Variants in ERLIN1 observed in about 807,000 individuals in gnomAD.
ERLIN1 encodes erlin-1.
A neutral mutation model predicts 46.9 loss-of-function variants in ERLIN1; 24 were observed. The ratio of observed to expected loss-of-function variants is 0.51; its 90% confidence interval spans 0.37 to 0.72. The LOEUF (loss-of-function observed/expected upper bound fraction) is 0.72. ERLIN1 is among the 30% of genes least tolerant of loss of function. The pLI, the probability that ERLIN1 is intolerant of heterozygous loss-of-function variation, is 0.00. For missense variants in ERLIN1, 293 were observed against 417.9 expected (o/e 0.70, Z 2.61); for synonymous variants, 158 against 143.2 (o/e 1.10, Z -0.74).
intron 6 of ERLIN1, among the ~76,000 whole-genome samples, chr10:100,169,471 CAAG>C (rs983158832): frequency 2.7e-5 from 4 of 150,564 alleles, no homozygotes; most frequent in East Asian, 2.0e-4. Context: ...AGTAGTTTTT[CAAG>C]AAGAAAAATG....
At chr10:100,160,006 T>C (rs1843278781) in intron 8 of ERLIN1, among the ~76,000 whole-genome samples, 4 of 151,684 alleles carry the variant, frequency 2.6e-5, no homozygotes, top group African/African-American at 7.3e-5. Flanking sequence ...TCTGGCAAAA[T>C]TGATACAGCA....
rs1383334642 is a variant in ERLIN1, at chr10:100,185,377, C to T, written c.113+137G>A. 2.8e-5 allele frequency: 18 copies of T among 651,170 alleles called. No individual in the cohort carries two copies. The African/African-American group carries it at 2.9e-4, about 11-fold the overall frequency. The allele number at this position is 651,170 out of a possible 1,614,324, so 40.3% of individuals were successfully genotyped here. A position where few individuals can be genotyped will look rare whatever the true frequency, so the allele number is the denominator to read the frequency against. On this transcript the variant is annotated intron_variant, in intron 1 of 10. Transcript: ENST00000421367. ...ATCTGGAGGGTGCTCCGCAAAAGCC[C>T]GCTTCGACCCCCGTGCTCTCCCTAG... is the stretch of plus-strand genomic sequence containing the variant.
chr10:100,152,344 C>T lies in ERLIN1; in HGVS notation c.834G>A (p.Leu278=). The T allele has an allele frequency of 6.2e-7, 1 of 1,607,770 alleles. No homozygotes were observed. Among genetic ancestry groups the T allele is most frequent in the Non-Finnish European group, 8.5e-7 (1 of 1,174,062 alleles). Residue 278 remains leucine (L), a synonymous_variant, in exon 11 of 11, where the codon TTG becomes TTA. Coordinates refer to ENST00000421367, the MANE Select transcript of ERLIN1 (RefSeq NM_006459.4). ...TTTTGAGCTCCAGATATTCCGGGGT[C>T]AACTTGTGCTGTGTGGGAGCAAACA... ...HKYATSNKHK[L]TPEYLELKKY...
At chr10:100,181,012 T>C (rs1844613011) in intron 2 of ERLIN1, among the ~76,000 whole-genome samples, 1 of 152,230 alleles carries the variant, frequency 6.6e-6, no homozygotes, top group Non-Finnish European at 1.5e-5. Flanking sequence ...GACATTAGAA[T>C]GACAGTAAAC....
At chr10:100,155,936 G>C (rs927998435) in intron 9 of ERLIN1, among the ~76,000 whole-genome samples, 5 of 152,200 alleles carry the variant, frequency 3.3e-5, no homozygotes, top group Admixed American at 2.6e-4. Context: ...AAGGAAAGCT[G>C]AGCTACCCAC....
rs745953119 is a variant in ERLIN1, at chr10:100,156,163, G to T, written c.727C>A (p.Arg243Ser). The stretch of plus-strand genomic sequence containing the variant: ...AATGTACCTTCGATTTCAGAAATGC[G>T]CTTTTCAGTTTCTTTTTCCATCACT... ...QKVMEKETEKRISEIEDAAFL... is the reference protein window; with the variant it reads ...QKVMEKETEKSISEIEDAAFL... The change falls in exon 9 of 11, where the codon CGC becomes AGC. Residue 243 changes from arginine to serine, a missense_variant. Coordinates refer to ENST00000421367, the MANE Select transcript of ERLIN1 (RefSeq NM_006459.4). 6.2e-7 allele frequency: 1 copy of T among 1,612,076 alleles called. No homozygotes were observed.
intron 8 of ERLIN1, among the ~76,000 whole-genome samples, chr10:100,162,859 C>A (rs114777280): frequency 0.012 from 1,775 of 152,236 alleles, 46 homozygotes; most frequent in African/African-American, 0.04. Context: ...AGGGCACTGG[C>A]CCACACCATA....
rs1252151437 is a variant in ERLIN1, at chr10:100,151,811, G to C, written c.*320C>G. On this transcript the variant is annotated 3_prime_UTR_variant, in exon 11 of 11. Transcript: ENST00000421367. The stretch of plus-strand genomic sequence containing the variant: ...ACATTATTCAACAGATCTCAGCTTA[G>C]GAAAACACAGCTTGTTATATATTTA... 1 of 380,986 alleles carries C rather than the reference G, an allele frequency of 2.6e-6. No homozygotes were observed. Among genetic ancestry groups the C allele is most frequent in the Non-Finnish European group, 5.0e-6 (1 of 198,290 alleles). The allele number at this position is 380,986 out of a possible 1,614,324, so 23.6% of individuals were successfully genotyped here. A position where few individuals can be genotyped will look rare whatever the true frequency, so the allele number is the denominator to read the frequency against.
chr10:100,152,264 T>A lies in ERLIN1; in HGVS notation c.914A>T (p.Asn305Ile). The A allele has an allele frequency of 3.1e-6, 5 of 1,612,358 alleles. No individual in the cohort carries two copies. Among genetic ancestry groups the A allele is most frequent in the Non-Finnish European group, 4.2e-6 (5 of 1,178,364 alleles). ...SKIYFGSNIP[N>I]MFVDSSCALK... ...AGCACATGAGGAGTCCACGAACATG[T>A]TAGGGATGTTGCTGCCAAAATAGAT... is the stretch of plus-strand genomic sequence containing the variant. The change falls in exon 11 of 11, where the codon AAC becomes ATC. Residue 305 changes from asparagine (N) to isoleucine (I), a missense_variant. By Grantham distance (149) the Asn-to-Ile change is moderately radical. Coordinates refer to ENST00000421367, the MANE Select transcript of ERLIN1 (RefSeq NM_006459.4).
intron 9 of ERLIN1, 87 bp downstream of exon 9, chr10:100,156,058 C>T (rs1843064674): frequency 1.2e-6 from 1 of 800,692 alleles, no homozygotes; most frequent in Admixed American, 2.0e-5. Flanking sequence ...ATGGCCTTCT[C>T]ACCCACCACA....
intron 8 of ERLIN1, among the ~76,000 whole-genome samples, chr10:100,161,194 A>G (rs1843347590): frequency 6.6e-6 from 1 of 152,220 alleles, no homozygotes; most frequent in African/African-American, 2.4e-5. Context: ...TTATGTGAAG[A>G]TAAGGACCTA....
rs368234320 is a variant in ERLIN1, at chr10:100,157,209, T to C, written c.656-975A>G. ...CTATACTCAGGATCTACTGTTAAGT[T>C]ACCATTAGGGAAATGACAGGATGAA... On this transcript the variant is annotated intron_variant, in intron 8 of 10. Coordinates refer to ENST00000421367, the MANE Select transcript of ERLIN1 (RefSeq NM_006459.4). Among the ~76,000 whole-genome samples, 93 of 152,302 alleles carry C rather than the reference T, an allele frequency of 6.1e-4. 2 individuals are homozygous for C. The highest frequency in any genetic ancestry group is 2.0e-3 in the African/African-American group (83 of 41,566).
At position 100,152,419 on chromosome 10, in the gene ERLIN1, T is replaced by C. The variant is rs1842856677; in HGVS notation, c.826-67A>G. ...GGTGCAACAGTCTTCTCTCTCCCTA[T>C]ATACATTTCACCTATTGCTCTCCTG... On this transcript the variant is annotated intron_variant, in intron 10 of 10. Transcript: ENST00000421367. 4 of 906,674 alleles carry C rather than the reference T, an allele frequency of 4.4e-6. No individual in the cohort carries two copies. In the Admixed American group the frequency reaches 6.8e-5, roughly 15 times the overall value. 56.2% of individuals were successfully genotyped at this position (906,674 alleles called of 1,614,324 possible). A position where few individuals can be genotyped will look rare whatever the true frequency, so the allele number is the denominator to read the frequency against.
intron 2 of ERLIN1, among the ~76,000 whole-genome samples, chr10:100,181,203 T>G (rs955870210): frequency 2.0e-5 from 3 of 152,250 alleles, no homozygotes; most frequent in African/African-American, 4.8e-5. Flanking sequence ...GTTCAAATGT[T>G]AAATCTTCCA....
In ERLIN1 at chr10:100,154,118, A is replaced by G. The variant is rs142191816; in HGVS notation, c.825+742T>C. Among the ~76,000 whole-genome samples the G allele has an allele frequency of 2.9e-3, 435 of 152,296 alleles. 4 individuals carry two copies. The highest frequency in any genetic ancestry group is 0.01 in the African/African-American group (424 of 41,550). On this transcript the variant is annotated intron_variant, in intron 10 of 10. Coordinates refer to ENST00000421367, the MANE Select transcript of ERLIN1 (RefSeq NM_006459.4). ...CCAATCTGCTCCACGATAACCTTAT[A>G]AATCTTGGACATACCCTTCCCTTCT...
intron 7 of ERLIN1, among the ~76,000 whole-genome samples, chr10:100,164,625 C>T (rs757453099): frequency 1.3e-5 from 2 of 152,184 alleles, no homozygotes; most frequent in Non-Finnish European, 2.9e-5. Context: ...CTGGGGCTTA[C>T]AGTAAGGAGA....
chr10:100,169,385 T>A (rs979395381), intron 6 of ERLIN1, among the ~76,000 whole-genome samples: 5 of 151,678 alleles, frequency 3.3e-5, no homozygotes, highest in Non-Finnish European at 5.9e-5. Flanking sequence ...AGCCAGTCTA[T>A]AATATAGTCA....
At chr10:100,182,668 T>C (rs1228644574) in intron 2 of ERLIN1, among the ~76,000 whole-genome samples, 1 of 151,950 alleles carries the variant, frequency 6.6e-6, no homozygotes, top group Non-Finnish European at 1.5e-5. Context: ...TAGCAAACAA[T>C]GCAAGACAAC....
Position 100,178,190 on chromosome 10 carries a change from C to T in ERLIN1, c.247G>A (p.Gly83Arg), listed in dbSNP as rs1844423877. 1 of 1,567,622 alleles carries T rather than the reference C, an allele frequency of 6.4e-7. No individual in the cohort carries two copies. The change falls in exon 4 of 11, where the codon GGG becomes AGG. Residue 83 changes from glycine to arginine, a missense_variant. Coordinates refer to ENST00000421367, the MANE Select transcript of ERLIN1 (RefSeq NM_006459.4). The stretch of plus-strand genomic sequence containing the variant: ...ATTCGGTCAATATAGATCATGACCC[C>T]ACCACTAAAAACAAAGAAAAAAAGT... The part of the protein sequence containing the change: ...VKNVPCGTSG[G>R]VMIYIDRIEV...
Sources: allele counts gnomAD v4.1 joint callset (sites outside exome capture counted in the v4.1 genomes callset), GRCh38; gene constraint gnomAD v4.1.1; transcripts MANE v1.5; gene names NCBI Gene and HGNC (gene_info 2026-07-23, HGNC 2026-07-21).